BTAF1: variants seen among roughly 807,000 people sequenced by gnomAD.
BTAF1 encodes B-TFIID TATA-box binding protein associated factor 1, also known as TATA-binding protein-associated factor 172.
Under a neutral mutation model 227.1 loss-of-function variants are expected in BTAF1, and 38 were observed. The observed-to-expected ratio is 0.17, with a 90% CI of 0.13 to 0.22. BTAF1 has a LOEUF of 0.22. Ranked by LOEUF, BTAF1 falls within the 10% of genes least tolerant of loss-of-function variation. The pLI is 1.00. For synonymous variants in BTAF1, 742 were observed against 751.9 expected, an observed-to-expected ratio of 0.99 and a Z score of 0.21; for missense variants, 1,598 against 2,204.0, an observed-to-expected ratio of 0.73 and a Z score of 5.51.
At chr10:91,982,908 T>A in intron 18 of BTAF1, 147 bp downstream of exon 18, 3 of 876,626 alleles carry the variant, frequency 3.4e-6, no homozygotes, top group Non-Finnish European at 5.0e-6. Context: ...TATTGAAGAT[T>A]ATTTCTCTCC....
At chr10:92,011,477 G>T in intron 30 of BTAF1, 62 bp downstream of exon 30, 1 of 798,852 alleles carries the variant, frequency 1.3e-6, no homozygotes. Context: ...TTTGCCAGGT[G>T]GAGGGTAGGC....
At chr10:91,970,290 G>A (rs564126304) in intron 14 of BTAF1, among the ~76,000 whole-genome samples, 1 of 152,192 alleles carries the variant, frequency 6.6e-6, no homozygotes. Flanking sequence ...GTGAGATTCT[G>A]TGCTGGGTTT....
At position 92,008,188 on chromosome 10, in the gene BTAF1, C is replaced by G; in HGVS notation, c.3726C>G (p.His1242Gln). Residue 1242 changes from histidine (H) to glutamine (Q), a missense_variant, in exon 26 of 38, where the codon CAC (histidine) becomes CAG (glutamine). Around this residue, in one of 10 missense-constraint regions of BTAF1, gnomAD observed 184 missense variants for 341.1 expected, o/e 0.54. Coordinates refer to ENST00000265990, the MANE Select transcript of BTAF1 (RefSeq NM_003972.3). The stretch of plus-strand genomic sequence containing the variant: ...TCCAATTGAAAGCCAAGGAGCGACA[C>G]TTTTTGGAGCAATTGTTAGATGGGA... Reference protein sequence around the residue: ...ELIQLKAKERHFLEQLLDGKK... With the variant: ...ELIQLKAKERQFLEQLLDGKK... The G allele has an allele frequency of 6.2e-7, 1 of 1,604,816 alleles. No individual in the cohort carries two copies. Among genetic ancestry groups the G allele is most frequent in the South Asian group, 1.1e-5 (1 of 88,712 alleles).
At position 92,019,893 on chromosome 10, in the gene BTAF1, T is replaced by TG. The variant is rs1294592263; in HGVS notation, c.4863+958_4863+959insG. Among the ~76,000 whole-genome samples the TG allele has an allele frequency of 1.7e-4, 25 of 148,778 alleles. No homozygotes were observed. In the East Asian group the frequency reaches 4.9e-3, roughly 29 times the overall value. ...GAAAGTTTTGTTTTGTTGTTGCTGTTTTTTTTTTTTTTTAATGGGGGTCTC... is the reference window on the plus strand; with the variant it reads ...GAAAGTTTTGTTTTGTTGTTGCTGTTGTTTTTTTTTTTTTAATGGGGGTCTC... On this transcript the variant is annotated intron_variant, in intron 34 of 37. Coordinates refer to ENST00000265990, the MANE Select transcript of BTAF1 (RefSeq NM_003972.3).
chr10:91,941,981 A>C (rs922789647), intron 3 of BTAF1, among the ~76,000 whole-genome samples: 2 of 152,180 alleles, frequency 1.3e-5, no homozygotes, highest in African/African-American at 4.8e-5. Flanking sequence ...TACTTTTCTC[A>C]AAATATTACT....
intron 35 of BTAF1, among the ~76,000 whole-genome samples, chr10:92,026,093 A>C (rs1440595183): frequency 1.3e-5 from 2 of 152,196 alleles, no homozygotes; most frequent in Non-Finnish European, 2.9e-5. Context: ...AGGATAATAA[A>C]TCGTAGCTTG....
Position 91,980,622 on chromosome 10 carries a change from A to G in BTAF1, c.1755+64A>G, listed in dbSNP as rs372689235. On this transcript the variant is annotated intron_variant, in intron 15 of 37. Transcript: ENST00000265990. The stretch of plus-strand genomic sequence containing the variant: ...CTTTTGTAGATTTTTAAAATTTTTC[A>G]TAATTGCTGTTCTGTTGGTCATTCA... The G allele has an allele frequency of 1.7e-5, 22 of 1,283,894 alleles. No homozygotes were observed. In the African/African-American group the frequency reaches 2.8e-4, roughly 16 times the overall value. 79.5% of individuals were successfully genotyped at this position (1,283,894 alleles called of 1,614,324 possible).
At chr10:92,011,998 C>T (rs549252715) in intron 30 of BTAF1, among the ~76,000 whole-genome samples, 60 of 151,416 alleles carry the variant, frequency 4.0e-4, no homozygotes, top group Non-Finnish European at 5.7e-4. Context: ...AAGTAGACAC[C>T]GTGTGACCTC....
At chr10:91,982,363 A>G (rs918350438) in intron 17 of BTAF1, 138 bp downstream of exon 17, 1 of 1,225,730 alleles carries the variant, frequency 8.2e-7, no homozygotes, top group East Asian at 2.5e-5. Flanking sequence ...CTAAGGAAAA[A>G]TTAGAGTAAG....
In BTAF1 at chr10:92,029,626, A is replaced by T. The variant is rs1320961709; in HGVS notation, c.*693A>T. The T allele has an allele frequency of 6.6e-6, 1 of 151,902 alleles. No homozygotes were observed. Among genetic ancestry groups the T allele is most frequent in the East Asian group, 1.9e-4 (1 of 5,190 alleles). The allele number at this position is 151,902 out of a possible 1,614,324, so 9.4% of individuals were successfully genotyped here. On this transcript the variant is annotated 3_prime_UTR_variant, in exon 38 of 38. Transcript: ENST00000265990. ...AGGGTGGTTTTTTTTAATTTATCTAATGGCTACGATATAGCCAGATTCAAA... is the reference window on the plus strand; with the variant it reads ...AGGGTGGTTTTTTTTAATTTATCTATTGGCTACGATATAGCCAGATTCAAA...
chr10:92,029,111 C>T lies in BTAF1; in HGVS notation c.*178C>T. 1.8e-6 allele frequency: 1 copy of T among 544,462 alleles called. No homozygotes were observed. The highest frequency in any genetic ancestry group is 3.0e-6 in the Non-Finnish European group (1 of 334,074). 33.7% of individuals were successfully genotyped at this position (544,462 alleles called of 1,614,324 possible). ...AACAAGTTATTCTCAAATATTTGCA[C>T]TGTATTAAATTTAAATGTTAATGTG... is the stretch of plus-strand genomic sequence containing the variant. On this transcript the variant is annotated 3_prime_UTR_variant, in exon 38 of 38. Coordinates refer to ENST00000265990, the MANE Select transcript of BTAF1 (RefSeq NM_003972.3).
intron 32 of BTAF1, 121 bp downstream of exon 32, chr10:92,014,150 C>A: frequency 9.7e-7 from 1 of 1,036,218 alleles, no homozygotes; most frequent in Non-Finnish European, 1.4e-6. Flanking sequence ...CAGATAAAGC[C>A]TAAATGATGT....
chr10:91,985,869 AAGTAG>A (rs1254341601), intron 19 of BTAF1, among the ~76,000 whole-genome samples: 1 of 152,084 alleles, frequency 6.6e-6, no homozygotes, highest in Non-Finnish European at 1.5e-5. Flanking sequence ...ATCCTTTGTC[AAGTAG>A]ATGCTTTCTG....
At chr10:91,948,763 T>C (rs570453685) in intron 4 of BTAF1, among the ~76,000 whole-genome samples, 2 of 151,622 alleles carry the variant, frequency 1.3e-5, no homozygotes, top group South Asian at 4.2e-4. Context: ...TTTTAAAGTG[T>C]ACAATTCTAT....
rs1589761785 is a variant in BTAF1 at position 91,941,657 on chromosome 10, T to C, written c.254-765T>C. ...CCTCAGGTATGGGGAGGGATGATTC[T>C]TATTAGCCTTATTCATGAATACATT... is the stretch of plus-strand genomic sequence containing the variant. On this transcript the variant is annotated intron_variant, in intron 3 of 37. Coordinates refer to ENST00000265990, the MANE Select transcript of BTAF1 (RefSeq NM_003972.3). 2.0e-5 allele frequency among the ~76,000 whole-genome samples: 3 copies of C among 152,332 alleles called. No individual in the cohort carries two copies. In the East Asian group the frequency reaches 5.8e-4, roughly 29 times the overall value.
intron 26 of BTAF1, 64 bp downstream of exon 26, chr10:92,008,339 G>GT (rs199536779): frequency 9.9e-6 from 14 of 1,413,898 alleles, no homozygotes; most frequent in Non-Finnish European, 1.3e-5. Context: ...GGGTTTGTTG[G>GT]GGGGGGCTTT....
At chr10:92,026,110 G>C (rs1851497559) in intron 35 of BTAF1, among the ~76,000 whole-genome samples, 1 of 152,114 alleles carries the variant, frequency 6.6e-6, no homozygotes, top group African/African-American at 2.4e-5. Flanking sequence ...CTTGGTAGCT[G>C]CTATTTTTAA....
In BTAF1 at chr10:91,989,369, A is replaced by T. The variant is rs1283218397; in HGVS notation, c.2643A>T (p.Leu881Phe). Residue 881 changes from leucine to phenylalanine, a missense_variant, in exon 20 of 38, where the codon TTA becomes TTT. Leu to Phe is a conservative substitution (Grantham distance 22). This residue lies in a region of BTAF1 where 425 missense variants were observed against 491.2 expected (regional missense o/e 0.87). Coordinates refer to ENST00000265990, the MANE Select transcript of BTAF1 (RefSeq NM_003972.3). Reference sequence around the variant, plus strand: ...AATTAAATCCTATCATAAAACCATTAATGGAGACAATTAAAAAAGAAGAGA... The same window carrying T: ...AATTAAATCCTATCATAAAACCATTTATGGAGACAATTAAAAAAGAAGAGA... ...PEKLNPIIKP[L>F]METIKKEENT... The T allele has an allele frequency of 6.2e-7, 1 of 1,614,198 alleles. No individual in the cohort carries two copies. Among genetic ancestry groups the T allele is most frequent in the East Asian group, 2.2e-5 (1 of 44,884 alleles).
At chr10:91,937,119 C>T (rs954901000) in intron 2 of BTAF1, among the ~76,000 whole-genome samples, 2 of 151,724 alleles carry the variant, frequency 1.3e-5, no homozygotes, top group Non-Finnish European at 2.9e-5. Flanking sequence ...CTTAGCCTCC[C>T]GAGTAGCTGA....
Sources: gnomAD v4.1 joint callset for allele counts (sites outside exome capture counted in the v4.1 genomes callset) on GRCh38, gnomAD v4.1.1 for gene constraint, gnomAD v4.1.1 regional missense constraint, MANE v1.5 for transcripts, NCBI Gene and HGNC (gene_info 2026-07-23, HGNC 2026-07-21) for gene names.